Variants in PPIE observed in about 807,000 individuals in gnomAD.
The protein encoded by PPIE is peptidyl-prolyl cis-trans isomerase E.
PPIE carries 20 observed loss-of-function variants against 38.4 expected under a neutral mutation model. The observed-to-expected ratio is 0.52, with a 90% CI of 0.37 to 0.76. The LOEUF (loss-of-function observed/expected upper bound fraction) is 0.76, where lower values mean the gene tolerates loss of function less well. Ranked by LOEUF, PPIE falls within the 30% of genes least tolerant of loss-of-function variation. The pLI, the probability that PPIE is intolerant of heterozygous loss-of-function variation, is 0.00. For synonymous variants in PPIE, 142 were observed against 135.7 expected, an observed-to-expected ratio of 1.05 and a Z score of -0.32; for missense variants, 322 against 385.8, an observed-to-expected ratio of 0.83 and a Z score of 1.39.
intron 6 of PPIE, 65 bp from the exon 7 acceptor site, chr1:39,745,310 A>G (rs1189536173): frequency 6.2e-7 from 1 of 1,605,210 alleles, no homozygotes; most frequent in Non-Finnish European, 8.5e-7. Context: ...GGTGTGTAGA[A>G]TACTCGCACT....
At chr1:39,743,972 A>G (rs761073084) in intron 6 of PPIE, 48 bp downstream of exon 6, 1 of 1,372,390 alleles carries the variant, frequency 7.3e-7, no homozygotes. Context: ...CGCTGTCCAC[A>G]GGAGACTTTT....
At chr1:39,745,277 G>A (rs1217407695) in intron 6 of PPIE, 98 bp from the exon 7 acceptor site, 70 of 1,493,200 alleles carry the variant, frequency 4.7e-5, no homozygotes, top group Non-Finnish European at 5.8e-5. Context: ...TCCAGCCTAC[G>A]CACTGGAGTT....
In PPIE at chr1:39,763,908, G is replaced by T. The variant is rs1490939982; in HGVS notation, c.*166G>T. 8.0e-6 allele frequency: 10 copies of T among 1,242,434 alleles called. No individual in the cohort carries two copies. In the East Asian group the frequency reaches 2.4e-4, roughly 30 times the overall value. The allele number at this position is 1,242,434 out of a possible 1,614,324, so 77.0% of individuals were successfully genotyped here. Reference sequence around the variant, plus strand: ...CATTTGTCAAATAAATGAATGACAGGAAACCATTTGGTCTCATAAAGCCCA... The same window carrying T: ...CATTTGTCAAATAAATGAATGACAGTAAACCATTTGGTCTCATAAAGCCCA... On this transcript the variant is annotated 3_prime_UTR_variant, in exon 10 of 10. Coordinates refer to the PPIE transcript ENST00000356511.
intron 6 of PPIE, among the ~76,000 whole-genome samples, chr1:39,744,976 C>T (rs1284800793): frequency 6.6e-6 from 1 of 152,182 alleles, no homozygotes; most frequent in African/African-American, 2.4e-5. Flanking sequence ...CGAGGTGGTA[C>T]ATGGATGGGT....
At chr1:39,748,204 G>A (rs549011515) in intron 7 of PPIE, 7 of 152,192 alleles carry the variant, frequency 4.6e-5, no homozygotes, top group African/African-American at 1.7e-4. Flanking sequence ...CTATTGGTAC[G>A]GTTCTTTGAT....
intron 7 of PPIE, chr1:39,745,946 G>A (rs1031195085): frequency 3.9e-5 from 6 of 154,618 alleles, no homozygotes; most frequent in Non-Finnish European, 5.8e-5. Context: ...AGTCAATTCA[G>A]TTTCACAAAG....
intron 2 of PPIE, 26 bp downstream of exon 2, chr1:39,740,289 A>T (rs772539142): frequency 2.6e-6 from 4 of 1,563,532 alleles, no homozygotes; most frequent in Non-Finnish European, 3.5e-6. Flanking sequence ...TCACGTTCAG[A>T]ATCCTCTTAC....
intron 8 of PPIE, among the ~76,000 whole-genome samples, chr1:39,751,376 T>TG (rs934266011): frequency 1.3e-5 from 2 of 152,158 alleles, no homozygotes; most frequent in Non-Finnish European, 2.9e-5. Flanking sequence ...TTTTGTTTTT[T>TG]TGAGACAGGG....
Position 39,749,080 on chromosome 1 carries a change from CG to C in PPIE, c.689del (p.Gly230AspfsTer21). ...FDDENFILKH[T>X]GPGLLSMANS... ...GATGAAAACTTTATCCTCAAGCATA[CG>C]GGACCAGGTAGGAGCCAGTTGGCAT... is the stretch of plus-strand genomic sequence containing the variant. On this transcript the variant is annotated frameshift_variant, in exon 8 of 10. Coordinates refer to ENST00000324379, the MANE Select transcript of PPIE (RefSeq NM_006112.4). LOFTEE classifies it high-confidence loss of function. The C allele has an allele frequency of 6.3e-7, 1 of 1,599,444 alleles. No homozygotes were observed. Among genetic ancestry groups the C allele is most frequent in the Non-Finnish European group, 8.5e-7 (1 of 1,173,404 alleles).
intron 8 of PPIE, among the ~76,000 whole-genome samples, chr1:39,750,696 G>A (rs527301198): frequency 6.6e-6 from 1 of 152,106 alleles, no homozygotes; most frequent in East Asian, 1.9e-4. Flanking sequence ...GCCTCTTCTT[G>A]TCTCCTTTTA....
intron 4 of PPIE, chr1:39,742,480 T>C (rs1647083517): frequency 7.1e-6 from 1 of 141,198 alleles, no homozygotes; most frequent in South Asian, 2.3e-4. Context: ...CCTGTTACTT[T>C]TCTTTCTTTC....
chr1:39,741,913 G>A lies in PPIE; in HGVS notation c.193G>A (p.Asp65Asn), dbSNP rs1462496610. 6 of 1,614,190 alleles carry A rather than the reference G, an allele frequency of 3.7e-6. No homozygotes were observed. The highest frequency in any genetic ancestry group is 1.1e-5 in the South Asian group (1 of 91,066). Residue 65 changes from aspartate (D) to asparagine (N), a missense_variant, in exon 4 of 10, where the codon GAC becomes AAC. By Grantham distance (23) the Asp-to-Asn change is conservative. Coordinates refer to ENST00000324379, the MANE Select transcript of PPIE (RefSeq NM_006112.4). ...TTGGCAGGATGCTGCAGCAGCTATC[G>A]ACAACATGGTATGGCTGGGAATCTT... ...ELAEDAAAAIDNMNESELFGR... is the reference protein window; with the variant it reads ...ELAEDAAAAINNMNESELFGR...
At chr1:39,743,151 G>T in intron 4 of PPIE, 65 bp from the exon 5 acceptor site, 1 of 1,394,126 alleles carries the variant, frequency 7.2e-7, no homozygotes, top group South Asian at 1.2e-5. Context: ...AGAAGTATAT[G>T]GAAAGCTGGC....
At chr1:39,753,132 G>T in intron 9 of PPIE, 80 bp downstream of exon 9, 5 of 1,599,002 alleles carry the variant, frequency 3.1e-6, no homozygotes, top group South Asian at 1.1e-5. Flanking sequence ...AGTCTCTGTG[G>T]CCTGAGAGAG....
intron 7 of PPIE, chr1:39,745,866 C>G (rs899261985): frequency 6.0e-6 from 1 of 166,900 alleles, no homozygotes; most frequent in Admixed American, 5.8e-5. Flanking sequence ...ATTGAGTATT[C>G]TTTGTAATTT....
At chr1:39,743,025 T>C (rs1377493585) in intron 4 of PPIE, 191 bp from the exon 5 acceptor site, 1 of 542,222 alleles carries the variant, frequency 1.8e-6, no homozygotes, top group African/African-American at 1.9e-5. Context: ...CTTTGTGTGC[T>C]GCTATGAAAG....
In PPIE at chr1:39,741,895, G is replaced by A. The variant is rs986459693; in HGVS notation, c.175G>A (p.Asp59Asn). ...TTGTACCTTTGTCTTTCCTTGGCAG[G>A]ATGCTGCAGCAGCTATCGACAACAT... is the stretch of plus-strand genomic sequence containing the variant. ...FAFVEFELAE[D>N]AAAAIDNMNE... Residue 59 changes from aspartate to asparagine, a missense_variant and splice_region_variant, in exon 4 of 10, where the codon GAT becomes AAT. By Grantham distance (23) the Asp-to-Asn change is conservative. Coordinates refer to ENST00000324379, the MANE Select transcript of PPIE (RefSeq NM_006112.4). 6.2e-7 allele frequency: 1 copy of A among 1,614,224 alleles called. No individual in the cohort carries two copies. The highest frequency in any genetic ancestry group is 8.5e-7 in the Non-Finnish European group (1 of 1,180,032).
chr1:39,755,409 C>CT lies in PPIE; in HGVS notation c.*2055dup, dbSNP rs1648160416. On this transcript the variant is annotated 3_prime_UTR_variant, in exon 10 of 10. Coordinates refer to ENST00000324379, the MANE Select transcript of PPIE (RefSeq NM_006112.4). ...TGTGAGCTCCAGCTGCTACAGTTGA[C>CT]TGAGTTCAGGCTCCATGTAGCTGGG... The CT allele has an allele frequency of 3.0e-6, 3 of 985,336 alleles. No individual in the cohort carries two copies. Among genetic ancestry groups the CT allele is most frequent in the Admixed American group, 6.1e-5 (1 of 16,262 alleles). The allele number at this position is 985,336 out of a possible 1,614,324, so 61.0% of individuals were successfully genotyped here.
intron 8 of PPIE, among the ~76,000 whole-genome samples, chr1:39,749,826 A>G (rs1647524278): frequency 6.6e-6 from 1 of 152,076 alleles, no homozygotes. Flanking sequence ...GCAGTTATCA[A>G]CCTTTAAAAA....
Sources: allele counts gnomAD v4.1 joint callset (sites outside exome capture counted in the v4.1 genomes callset), GRCh38; gene constraint gnomAD v4.1.1; transcripts MANE v1.5; gene names NCBI Gene and HGNC (gene_info 2026-07-23, HGNC 2026-07-21).